The following DCAF6 variants were observed in gnomAD, a reference collection of about 807,000 sequenced individuals.
DCAF6 encodes DDB1 and CUL4 associated factor 6.
Under a neutral mutation model 125.1 loss-of-function variants are expected in DCAF6, and 54 were observed. That is an observed-to-expected ratio of 0.43 (90% confidence interval 0.35 to 0.54). The LOEUF (loss-of-function observed/expected upper bound fraction) is 0.54. DCAF6 is among the 20% of genes least tolerant of loss of function. DCAF6 has a pLI of 0.01. For synonymous variants in DCAF6, 371 were observed against 390.4 expected, an observed-to-expected ratio of 0.95 and a Z score of 0.58; for missense variants, 934 against 1,161.7, an observed-to-expected ratio of 0.80 and a Z score of 2.85.
At chr1:167,864,206 T>C in the DCAF6 span, among the ~76,000 whole-genome samples, 1 of 152,228 alleles carries the variant, frequency 6.6e-6, no homozygotes, top group African/African-American at 2.4e-5. Context: ...TTCTTTGTTT[T>C]GTGGTGTGCA....
At chr1:168,041,555 A>G (rs1399286389) in intron 13 of DCAF6, among the ~76,000 whole-genome samples, 1 of 152,058 alleles carries the variant, frequency 6.6e-6, no homozygotes, top group Non-Finnish European at 1.5e-5. Flanking sequence ...CCCATAAAGT[A>G]TAACGTGAAG....
In DCAF6 at chr1:168,041,892, G is replaced by GCACACACACA. The variant is rs756614679; in HGVS notation, c.1728-1132_1728-1131insACACACACAC. Among the ~76,000 whole-genome samples, 16 of 119,752 alleles carry GCACACACACA rather than the reference G, an allele frequency of 1.3e-4. 1 individual carries two copies. Among genetic ancestry groups the GCACACACACA allele is most frequent in the African/African-American group, 4.0e-4 (14 of 35,076 alleles). The allele number at this position is 119,752 out of a possible 152,430, so 78.6% of individuals were successfully genotyped here. ...GGTTTAAAAGAAATACATGTTTGTC[G>GCACACACACA]CGCACACACACACACACACACACAC... On this transcript the variant is annotated intron_variant, in intron 13 of 21. Transcript: ENST00000367840.
intron 16 of DCAF6, 96 bp downstream of exon 16, chr1:168,045,323 G>A (rs1359234594): frequency 4.4e-6 from 5 of 1,124,016 alleles, no homozygotes; most frequent in Non-Finnish European, 6.2e-6. Context: ...TTTGACAGTT[G>A]CTTCCTCTAA....
intron 14 of DCAF6, among the ~76,000 whole-genome samples, chr1:168,044,308 C>T (rs1411241832): frequency 6.6e-6 from 1 of 152,080 alleles, no homozygotes; most frequent in Non-Finnish European, 1.5e-5. Context: ...CATGGAAATA[C>T]TCCCTCCCAA....
At chr1:167,960,403 A>G (rs917257866) in intron 2 of DCAF6, among the ~76,000 whole-genome samples, 3 of 151,994 alleles carry the variant, frequency 2.0e-5, no homozygotes, top group African/African-American at 7.3e-5. Flanking sequence ...GGTTCAAGTG[A>G]TTCTCCTGCC....
chr1:167,879,701 G>A, the DCAF6 span, among the ~76,000 whole-genome samples: 1 of 152,158 alleles, frequency 6.6e-6, no homozygotes, highest in Non-Finnish European at 1.5e-5. Flanking sequence ...AAGTAATAGA[G>A]TTGTGAAATC....
At position 167,984,309 on chromosome 1, in the gene DCAF6, G is replaced by A. The variant is rs897141427; in HGVS notation, c.439-3186G>A. 2.0e-5 allele frequency among the ~76,000 whole-genome samples: 3 copies of A among 152,032 alleles called. No homozygotes were observed. In the East Asian group the frequency reaches 5.8e-4, roughly 29 times the overall value. ...CTTCTTGAGGAAGGTTAAATTGTGAGGAAAGGTTCCTAAATGATTCAGATT... is the reference window on the plus strand; with the variant it reads ...CTTCTTGAGGAAGGTTAAATTGTGAAGAAAGGTTCCTAAATGATTCAGATT... On this transcript the variant is annotated intron_variant, in intron 4 of 21. Transcript: ENST00000367840.
At chr1:168,005,233 CTA>C (rs1169585953) in intron 10 of DCAF6, among the ~76,000 whole-genome samples, 1 of 151,942 alleles carries the variant, frequency 6.6e-6, no homozygotes, top group Non-Finnish European at 1.5e-5. Context: ...AATATACTCT[CTA>C]TGGTGGATTT....
intron 12 of DCAF6, among the ~76,000 whole-genome samples, chr1:168,031,513 A>G (rs879787039): frequency 6.6e-6 from 1 of 152,212 alleles, no homozygotes; most frequent in African/African-American, 2.4e-5. Context: ...CAGGAGACGA[A>G]AAAATGGAAA....
chr1:167,958,361 C>T (rs1260144849), intron 2 of DCAF6, among the ~76,000 whole-genome samples: 9 of 142,910 alleles, frequency 6.3e-5, no homozygotes, highest in Admixed American at 2.8e-4. Context: ...TTTTTGGTGG[C>T]GATTATCTAG....
intron 1 of DCAF6, among the ~76,000 whole-genome samples, chr1:167,937,466 C>G (rs952616528): frequency 1.3e-5 from 2 of 152,196 alleles, no homozygotes; most frequent in African/African-American, 4.8e-5. Context: ...TGACCACCCT[C>G]AGGGACTTCA....
chr1:168,043,186 A>T (rs761258320), intron 14 of DCAF6, 46 bp downstream of exon 14: 123 of 1,363,332 alleles, frequency 9.0e-5, no homozygotes, highest in Non-Finnish European at 1.2e-4. Flanking sequence ...GCAGCATTGG[A>T]TGTTTATCTA....
chr1:168,066,997 A>G (rs1471187479), intron 20 of DCAF6, among the ~76,000 whole-genome samples: 1 of 152,028 alleles, frequency 6.6e-6, no homozygotes, highest in Admixed American at 6.6e-5. Flanking sequence ...TTTCAGCCTG[A>G]GTTCTTTGGA....
At chr1:167,995,611 A>T (rs1390292152) in intron 7 of DCAF6, among the ~76,000 whole-genome samples, 1 of 151,580 alleles carries the variant, frequency 6.6e-6, no homozygotes, top group East Asian at 1.9e-4. Flanking sequence ...ACCCAAGAGA[A>T]GGAGGTTGCA....
At chr1:168,072,979 C>T (rs893232869) in intron 21 of DCAF6, among the ~76,000 whole-genome samples, 1 of 152,128 alleles carries the variant, frequency 6.6e-6, no homozygotes, top group Non-Finnish European at 1.5e-5. Context: ...TATACATAGA[C>T]ATCCTGGCTA....
chr1:167,876,999 C>T, the DCAF6 span, among the ~76,000 whole-genome samples: 256 of 152,080 alleles, frequency 1.7e-3, no homozygotes, highest in Admixed American at 2.7e-3. Flanking sequence ...ACCCCAGGCA[C>T]GTGAATAAGC....
intron 12 of DCAF6, among the ~76,000 whole-genome samples, chr1:168,035,923 G>A (rs1402023459): frequency 3.9e-5 from 6 of 152,172 alleles, no homozygotes; most frequent in Middle Eastern, 6.8e-3. Context: ...TTAGCCAAGT[G>A]TGGTGGTGGG....
intron 12 of DCAF6, among the ~76,000 whole-genome samples, chr1:168,036,543 C>G (rs1046685060): frequency 6.6e-6 from 1 of 152,170 alleles, no homozygotes; most frequent in Non-Finnish European, 1.5e-5. Context: ...CTGTCTGTTT[C>G]ATCTATTGCA....
chr1:167,893,211 G>A, the DCAF6 span, among the ~76,000 whole-genome samples: 1 of 152,170 alleles, frequency 6.6e-6, no homozygotes, highest in African/African-American at 2.4e-5. Context: ...GTGTACCAAT[G>A]TTCATCCACT....
Sources: gnomAD v4.1 joint callset for allele counts (sites outside exome capture counted in the v4.1 genomes callset) on GRCh38, gnomAD v4.1.1 for gene constraint, MANE v1.5 for transcripts, NCBI Gene and HGNC (gene_info 2026-07-23, HGNC 2026-07-21) for gene names.